The following NRXN3 variants were observed in gnomAD, a reference collection of about 807,000 sequenced individuals.
NRXN3 encodes the protein neurexin III.
Under a neutral mutation model 137.6 loss-of-function variants are expected in NRXN3, and 32 were observed. The observed-to-expected ratio is 0.23, with a 90% CI of 0.18 to 0.31. NRXN3 has a LOEUF of 0.31. Among genes scored for constraint, NRXN3 ranks in the 10% least tolerant of loss-of-function variants. NRXN3 has a pLI of 1.00. For missense variants in NRXN3, 1,574 were observed against 2,062.5 expected, an observed-to-expected ratio of 0.76 and a Z score of 4.59; for synonymous variants, 798 against 784.5, an observed-to-expected ratio of 1.02 and a Z score of -0.29.
intron 20 of NRXN3, among the ~76,000 whole-genome samples, chr14:79,851,327 A>G (rs1017962813): frequency 1.3e-5 from 2 of 152,142 alleles, no homozygotes; most frequent in African/African-American, 4.8e-5. Context: ...AAATCAACTA[A>G]ATGGCAACAA....
intron 15 of NRXN3, among the ~76,000 whole-genome samples, chr14:79,412,063 G>A (rs1010452201): frequency 1.3e-5 from 2 of 152,108 alleles, no homozygotes; most frequent in African/African-American, 4.8e-5. Context: ...TATGGTGATG[G>A]TGGTTAATCT....
At chr14:79,265,318 A>T (rs1446328316) in intron 15 of NRXN3, among the ~76,000 whole-genome samples, 1 of 146,008 alleles carries the variant, frequency 6.8e-6, no homozygotes, top group Admixed American at 7.0e-5. Flanking sequence ...AAAGGCCAAG[A>T]GTTTCTTGTC....
At chr14:78,450,817 C>T (rs923972115) in intron 4 of NRXN3, among the ~76,000 whole-genome samples, 17 of 152,198 alleles carry the variant, frequency 1.1e-4, no homozygotes, top group African/African-American at 3.6e-4. Flanking sequence ...TACATGGTGG[C>T]GCGAGAGGTT....
At chr14:79,845,748 C>T (rs112315737) in intron 20 of NRXN3, among the ~76,000 whole-genome samples, 1 of 29,836 alleles carries the variant, frequency 3.4e-5, no homozygotes, top group Admixed American at 3.6e-4. Flanking sequence ...GAGAGGGAGA[C>T]GGGGAGAGAG....
chr14:78,342,863 CAG>C (rs1174542148), intron 4 of NRXN3, among the ~76,000 whole-genome samples: 5 of 152,150 alleles, frequency 3.3e-5, no homozygotes, highest in Admixed American at 6.5e-5. Flanking sequence ...TGCTTAAAAA[CAG>C]GGGGTGGTTA....
chr14:78,580,497 C>A (rs748312738), intron 4 of NRXN3, among the ~76,000 whole-genome samples: 6 of 152,200 alleles, frequency 3.9e-5, no homozygotes, highest in African/African-American at 1.4e-4. Flanking sequence ...AGCTCCTTTT[C>A]GTGGAGGAAC....
intron 15 of NRXN3, among the ~76,000 whole-genome samples, chr14:79,160,646 A>G (rs1389205936): frequency 1.3e-5 from 2 of 151,986 alleles, no homozygotes; most frequent in Non-Finnish European, 2.9e-5. Flanking sequence ...CGAAAAAATT[A>G]TCCCAGCTTT....
intron 15 of NRXN3, among the ~76,000 whole-genome samples, chr14:79,064,095 A>C (rs945316112): frequency 1.3e-5 from 2 of 152,172 alleles, no homozygotes; most frequent in African/African-American, 4.8e-5. Context: ...TGTTTGTATC[A>C]GCTCTTGAGC....
intron 8 of NRXN3, among the ~76,000 whole-genome samples, chr14:78,796,766 T>C (rs915154517): frequency 2.0e-5 from 3 of 152,138 alleles, no homozygotes; most frequent in African/African-American, 7.2e-5. Flanking sequence ...AAGAGTCTTA[T>C]TGGTTCAGAA....
At chr14:79,526,710 G>A (rs1035006508) in intron 16 of NRXN3, among the ~76,000 whole-genome samples, 4 of 152,132 alleles carry the variant, frequency 2.6e-5, no homozygotes, top group Non-Finnish European at 5.9e-5. Flanking sequence ...TCTAATGAGG[G>A]AGAGAGATAA....
chr14:78,943,624 ATATATATATATATATATATATATAT>A (rs1567778352), intron 10 of NRXN3, among the ~76,000 whole-genome samples: 1,080 of 15,844 alleles, frequency 0.068, 150 homozygotes, highest in East Asian at 0.34. Flanking sequence ...AAAAAAAAAT[ATATATATATATATATATATATATAT>A]ATATATATAT....
At chr14:79,061,987 A>G (rs182904539) in intron 15 of NRXN3, among the ~76,000 whole-genome samples, 1 of 152,354 alleles carries the variant, frequency 6.6e-6, no homozygotes, top group Non-Finnish European at 1.5e-5. Flanking sequence ...ACACAAGCAC[A>G]TAAATAAGTA....
At chr14:79,825,817 T>C (rs2141135235) in intron 20 of NRXN3, among the ~76,000 whole-genome samples, 1 of 152,312 alleles carries the variant, frequency 6.6e-6, no homozygotes. Context: ...TATACTTGTA[T>C]TAAAGCATCA....
intron 15 of NRXN3, among the ~76,000 whole-genome samples, chr14:79,423,706 G>A (rs1254787755): frequency 1.3e-5 from 2 of 152,176 alleles, no homozygotes; most frequent in Non-Finnish European, 2.9e-5. Flanking sequence ...GGGCATAACT[G>A]CTTTCTGGTA....
At chr14:79,831,444 T>C (rs7157705) in intron 20 of NRXN3, among the ~76,000 whole-genome samples, 138,595 of 152,240 alleles carry the variant, frequency 0.91, 63,121 homozygotes, top group East Asian at 1. Flanking sequence ...CCCATGCATC[T>C]GGTCCTGCTT....
At chr14:78,664,731 T>C (rs756147960) in intron 6 of NRXN3, among the ~76,000 whole-genome samples, 1 of 152,220 alleles carries the variant, frequency 6.6e-6, no homozygotes, top group Non-Finnish European at 1.5e-5. Flanking sequence ...CCTCATCACA[T>C]TGCACTTTAA....
chr14:79,632,835 G>A (rs896333884), intron 16 of NRXN3, among the ~76,000 whole-genome samples: 1 of 152,054 alleles, frequency 6.6e-6, no homozygotes, highest in African/African-American at 2.4e-5. Context: ...GCACGACCTG[G>A]ATCAATTCTC....
chr14:78,987,840 C>T (rs921610673), intron 14 of NRXN3, among the ~76,000 whole-genome samples, 182 bp from the exon 15 acceptor site: 6 of 152,048 alleles, frequency 3.9e-5, no homozygotes, highest in African/African-American at 7.2e-5. Context: ...TGTGTATTTC[C>T]GTCATCTTTT....
At chr14:79,491,490 C>T (rs912035441) in intron 16 of NRXN3, among the ~76,000 whole-genome samples, 13 of 152,060 alleles carry the variant, frequency 8.5e-5, no homozygotes, top group Admixed American at 3.3e-4. Context: ...CTGGGGAAAC[C>T]ATTAGTGCTT....
Sources: gnomAD v4.1 joint callset for allele counts (sites outside exome capture counted in the v4.1 genomes callset) on GRCh38, gnomAD v4.1.1 for gene constraint, MANE v1.5 for transcripts, NCBI Gene and HGNC (gene_info 2026-07-23, HGNC 2026-07-21) for gene names.